Variants in TOX observed in about 807,000 individuals in gnomAD.
TOX encodes thymocyte selection associated high mobility group box.
A neutral mutation model predicts 53.7 loss-of-function variants in TOX; 11 were observed. The ratio of observed to expected loss-of-function variants is 0.20; its 90% CI spans 0.13 to 0.34. TOX has a LOEUF of 0.34. Among genes scored for constraint, TOX ranks in the 10% least tolerant of loss-of-function variants. TOX has a pLI of 1.00. For missense variants in TOX, 570 were observed against 664.6 expected, an observed-to-expected ratio of 0.86 and a Z score of 1.56; for synonymous variants, 225 against 245.3, an observed-to-expected ratio of 0.92 and a Z score of 0.77.
intron 6 of TOX, among the ~76,000 whole-genome samples, chr8:58,816,873 G>A (rs2129164800): frequency 6.6e-6 from 1 of 152,254 alleles, no homozygotes; most frequent in Non-Finnish European, 1.5e-5. Context: ...ACGACAGCGT[G>A]AAACTCAGGC....
At chr8:58,829,969 T>G (rs548346827) in intron 5 of TOX, among the ~76,000 whole-genome samples, 1 of 152,286 alleles carries the variant, frequency 6.6e-6, no homozygotes, top group East Asian at 1.9e-4. Flanking sequence ...ACCACTGCCA[T>G]GAGCAAGTGC....
At chr8:58,937,854 G>A (rs1020706738) in intron 3 of TOX, among the ~76,000 whole-genome samples, 1 of 152,028 alleles carries the variant, frequency 6.6e-6, no homozygotes, top group Non-Finnish European at 1.5e-5. Flanking sequence ...GCCTTCTTTG[G>A]CTCATGAATT....
intron 1 of TOX, among the ~76,000 whole-genome samples, chr8:59,115,990 G>A (rs1194829049): frequency 1.3e-5 from 2 of 152,126 alleles, no homozygotes; most frequent in Non-Finnish European, 2.9e-5. Context: ...GCCGGAAAGT[G>A]TCAGCAGAGT....
At chr8:58,899,260 A>G (rs1811696920) in intron 3 of TOX, among the ~76,000 whole-genome samples, 1 of 152,236 alleles carries the variant, frequency 6.6e-6, no homozygotes, top group East Asian at 1.9e-4. Flanking sequence ...ATTCTTTAGC[A>G]GGGAAAATTA....
intron 1 of TOX, among the ~76,000 whole-genome samples, chr8:58,973,926 T>G (rs576841016): frequency 1.3e-5 from 2 of 152,054 alleles, no homozygotes; most frequent in Non-Finnish European, 2.9e-5. Context: ...ACCTCTTGAG[T>G]AGCTGAGATG....
chr8:58,912,224 T>C (rs1811920787), intron 3 of TOX, among the ~76,000 whole-genome samples: 2 of 152,242 alleles, frequency 1.3e-5, no homozygotes, highest in Non-Finnish European at 2.9e-5. Context: ...TTTACTTTAA[T>C]TTACTCCTTT....
chr8:59,066,439 C>G (rs760292068), intron 1 of TOX, among the ~76,000 whole-genome samples: 1 of 151,970 alleles, frequency 6.6e-6, no homozygotes, highest in Admixed American at 6.6e-5. Context: ...AATGTTCTTA[C>G]GATCTTAACA....
intron 6 of TOX, among the ~76,000 whole-genome samples, chr8:58,820,530 C>G: frequency 6.6e-6 from 1 of 152,184 alleles, no homozygotes; most frequent in East Asian, 1.9e-4. Context: ...TACTGGAATT[C>G]TCTTCAGAGC....
At chr8:58,897,800 T>TA (rs1175719013) in intron 3 of TOX, among the ~76,000 whole-genome samples, 1 of 152,020 alleles carries the variant, frequency 6.6e-6, no homozygotes, top group Non-Finnish European at 1.5e-5. Context: ...TTTGCCCTCT[T>TA]ACCTTGGATA....
chr8:58,907,933 C>A (rs576275764), intron 3 of TOX, among the ~76,000 whole-genome samples: 1 of 152,016 alleles, frequency 6.6e-6, no homozygotes, highest in Non-Finnish European at 1.5e-5. Context: ...AACTTTTTTC[C>A]GTCAACTTTT....
At chr8:58,976,088 A>C (rs1351606175) in intron 1 of TOX, among the ~76,000 whole-genome samples, 1 of 151,842 alleles carries the variant, frequency 6.6e-6, no homozygotes, top group East Asian at 1.9e-4. Flanking sequence ...AAAAAAAATG[A>C]AGTTTGCCAC....
rs147571905 is a variant in TOX, at chr8:58,932,938, G to T, written c.411+6364C>A. On this transcript the variant is annotated intron_variant, in intron 3 of 8. Coordinates refer to ENST00000361421, the MANE Select transcript of TOX (RefSeq NM_014729.3). ...TGCTTTTGTTCGCTGGAAAAAGAAG[G>T]CATTTGGGAAATAAACCCCCCAATT... is the stretch of plus-strand genomic sequence containing the variant. Among the ~76,000 whole-genome samples, 257 of 152,162 alleles carry T rather than the reference G, an allele frequency of 1.7e-3. 2 individuals carry two copies. Among genetic ancestry groups the T allele is most frequent in the African/African-American group, 5.9e-3 (244 of 41,528 alleles).
chr8:59,025,613 C>T (rs1814220784), intron 1 of TOX, among the ~76,000 whole-genome samples: 2 of 152,188 alleles, frequency 1.3e-5, no homozygotes, highest in African/African-American at 2.4e-5. Context: ...CGCTGGCGAA[C>T]ATCCAGTGAT....
At chr8:59,010,387 A>C (rs6984848) in intron 1 of TOX, among the ~76,000 whole-genome samples, 7,879 of 152,318 alleles carry the variant, frequency 0.052, 263 homozygotes, top group South Asian at 0.1. Context: ...CAGAGAGCTG[A>C]AGTATTTATG....
Position 59,072,147 on chromosome 8 carries a change from T to G in TOX, c.102+46739A>C, listed in dbSNP as rs764386009. ...ATGTTTGTGTTGACATCGTTGTAGT[T>G]CAAGTATATGCTTTTGTTAGGTTTG... On this transcript the variant is annotated intron_variant, in intron 1 of 8. Transcript: ENST00000361421. Among the ~76,000 whole-genome samples the G allele has an allele frequency of 8.5e-5, 13 of 152,180 alleles. 1 individual carries two copies. The highest frequency in any genetic ancestry group is 2.9e-5 in the Non-Finnish European group (2 of 68,036).
intron 1 of TOX, among the ~76,000 whole-genome samples, chr8:58,963,214 A>G (rs901984961): frequency 2.0e-5 from 3 of 152,122 alleles, no homozygotes; most frequent in Non-Finnish European, 4.4e-5. Context: ...CCAGCTTGCT[A>G]ACTGCAGGTC....
At chr8:59,104,297 T>C (rs182026767) in intron 1 of TOX, among the ~76,000 whole-genome samples, 92 of 152,264 alleles carry the variant, frequency 6.0e-4, no homozygotes, top group Non-Finnish European at 1.1e-3. Context: ...GCTCTCCCTA[T>C]TGCTTATTCC....
intron 3 of TOX, among the ~76,000 whole-genome samples, chr8:58,906,102 C>T (rs1811809962): frequency 6.6e-6 from 1 of 152,094 alleles, no homozygotes; most frequent in Non-Finnish European, 1.5e-5. Flanking sequence ...ACTGTAAGTT[C>T]AATATTAATT....
rs1013291623 is a variant in TOX at position 59,118,098 on chromosome 8, C to A, written c.102+788G>T. 6.6e-6 allele frequency among the ~76,000 whole-genome samples: 1 copy of A among 152,226 alleles called. No individual in the cohort carries two copies. The highest frequency in any genetic ancestry group is 1.5e-5 in the Non-Finnish European group (1 of 68,036). ...CCGGCATGATCCGCCTCTCCCCGGG[C>A]CCCCGCGGCCCTGGCACCCGAGGTC... On this transcript the variant is annotated intron_variant, in intron 1 of 8. Transcript: ENST00000361421. This position sits in a 1 kb window ranked among gnomAD's most constrained non-coding sequence, Gnocchi z 4.1.
Sources: gnomAD v4.1 joint callset for allele counts (sites outside exome capture counted in the v4.1 genomes callset) on GRCh38, gnomAD v4.1.1 for gene constraint, Gnocchi (gnomAD v3.1) non-coding constraint, MANE v1.5 for transcripts, NCBI Gene and HGNC (gene_info 2026-07-23, HGNC 2026-07-21) for gene names.